Variants in DNAH11 observed in about 807,000 individuals in gnomAD.
DNAH11 encodes the protein axonemal beta dynein heavy chain 11.
A neutral mutation model predicts 526.0 loss-of-function variants in DNAH11; 442 were observed. The ratio of observed to expected loss-of-function variants is 0.84; its 90% CI spans 0.78 to 0.91. DNAH11 has a LOEUF of 0.91. DNAH11 is among the 40% of genes least tolerant of loss of function. The pLI is 0.00. For synonymous variants in DNAH11, 2,461 were observed against 1,935.9 expected (o/e 1.27, Z -7.12); for missense variants, 6,989 against 5,448.7 (o/e 1.28, Z -8.90).
chr7:21,651,239 G>A (rs1043811009), intron 28 of DNAH11, among the ~76,000 whole-genome samples: 3 of 152,162 alleles, frequency 2.0e-5, no homozygotes, highest in African/African-American at 2.4e-5. Context: ...ATTAATAAGC[G>A]GCAGCAGCAT....
intron 65 of DNAH11, among the ~76,000 whole-genome samples, chr7:21,833,071 A>T (rs576312015): frequency 2.3e-4 from 35 of 152,334 alleles, no homozygotes; most frequent in African/African-American, 8.2e-4. Flanking sequence ...CATAGTTCCC[A>T]ATCCCATGAC....
At position 21,894,657 on chromosome 7, in the gene DNAH11, T is replaced by C. The variant is rs751754128; in HGVS notation, c.12785T>C (p.Leu4262Pro). 8.1e-6 allele frequency: 13 copies of C among 1,613,878 alleles called. No individual in the cohort carries two copies. Among genetic ancestry groups the C allele is most frequent in the Non-Finnish European group, 1.0e-5 (12 of 1,179,896 alleles). ...KNVLDDILEK[L>P]PEEFNMAEIM... is the part of the protein sequence containing the mutation. ...GTCTTGGATGACATTTTGGAGAAAC[T>C]TCCAGAAGAGTTCAACATGGCAGAG... is the stretch of plus-strand genomic sequence containing the variant. The change falls in exon 78 of 82, where the codon CTT (leucine) becomes CCT (proline). Residue 4262 changes from leucine to proline, a missense_variant. Leu to Pro is a moderately conservative substitution (Grantham distance 98). Coordinates refer to ENST00000409508, the MANE Select transcript of DNAH11 (RefSeq NM_001277115.2).
intron 65 of DNAH11, among the ~76,000 whole-genome samples, chr7:21,827,948 A>G (rs951658318): frequency 6.6e-6 from 1 of 150,630 alleles, no homozygotes. Flanking sequence ...TTTTTTTTTT[A>G]ATTTTTTTTT....
intron 63 of DNAH11, among the ~76,000 whole-genome samples, chr7:21,810,816 C>T (rs192031423): frequency 6.6e-6 from 1 of 152,104 alleles, no homozygotes; most frequent in African/African-American, 2.4e-5. Context: ...ATGGAAGGAG[C>T]ATTTTAGGCT....
intron 75 of DNAH11, among the ~76,000 whole-genome samples, chr7:21,883,964 G>C (rs1364953603): frequency 6.6e-6 from 1 of 152,170 alleles, no homozygotes; most frequent in African/African-American, 2.4e-5. Context: ...GATTGCTGGA[G>C]CCCCAGAATT....
intron 8 of DNAH11, among the ~76,000 whole-genome samples, chr7:21,580,888 G>C (rs1784283169): frequency 6.6e-6 from 1 of 152,202 alleles, no homozygotes; most frequent in East Asian, 1.9e-4. Context: ...CAGGAGCCAG[G>C]TTGCCTGGCT....
At chr7:21,798,681 T>G (rs1788824946) in intron 61 of DNAH11, among the ~76,000 whole-genome samples, 1 of 149,406 alleles carries the variant, frequency 6.7e-6, no homozygotes, top group Non-Finnish European at 1.5e-5. Flanking sequence ...TTGTCTGCTT[T>G]ATTCACCTTC....
At chr7:21,763,201 G>A (rs1273213098) in intron 54 of DNAH11, among the ~76,000 whole-genome samples, 2 of 151,812 alleles carry the variant, frequency 1.3e-5, no homozygotes, top group African/African-American at 2.4e-5. Flanking sequence ...AATTAGCCTG[G>A]CGTGGTGGCA....
chr7:21,807,785 G>T, intron 62 of DNAH11, 98 bp from the exon 63 acceptor site: 2 of 1,160,560 alleles, frequency 1.7e-6, no homozygotes, highest in Non-Finnish European at 2.4e-6. Flanking sequence ...TGACTGTGTG[G>T]AAGGACGTAA....
At chr7:21,837,055 C>A (rs1051331446) in intron 65 of DNAH11, among the ~76,000 whole-genome samples, 2 of 150,854 alleles carry the variant, frequency 1.3e-5, no homozygotes, top group African/African-American at 4.8e-5. Flanking sequence ...TCATTTCACC[C>A]CAATTAGAAT....
At chr7:21,716,798 C>A (rs751074441) in intron 42 of DNAH11, among the ~76,000 whole-genome samples, 1 of 152,148 alleles carries the variant, frequency 6.6e-6, no homozygotes, top group African/African-American at 2.4e-5. Context: ...TCTCTTGGAC[C>A]TGAAAAAGTT....
chr7:21,808,426 A>G (rs1583719234), intron 63 of DNAH11, among the ~76,000 whole-genome samples: 1 of 152,168 alleles, frequency 6.6e-6, no homozygotes, highest in East Asian at 1.9e-4. Context: ...TTTGAAATAT[A>G]CAATAAATTA....
chr7:21,819,542 C>T (rs942650710), intron 65 of DNAH11, among the ~76,000 whole-genome samples: 1 of 152,170 alleles, frequency 6.6e-6, no homozygotes, highest in African/African-American at 2.4e-5. Flanking sequence ...TTGAATGTCA[C>T]TGAAGTGAAA....
intron 65 of DNAH11, among the ~76,000 whole-genome samples, chr7:21,825,017 G>A (rs760052865): frequency 4.6e-5 from 7 of 152,110 alleles, no homozygotes; most frequent in South Asian, 4.2e-4. Flanking sequence ...AATTACAGGC[G>A]CCTGCCACCA....
At chr7:21,588,387 A>G in intron 10 of DNAH11, 125 bp from the exon 11 acceptor site, 1 of 1,350,944 alleles carries the variant, frequency 7.4e-7, no homozygotes, top group Non-Finnish European at 1.0e-6. Context: ...CTAGTAATCA[A>G]GTGATTAAAC....
intron 30 of DNAH11, among the ~76,000 whole-genome samples, chr7:21,674,836 C>T (rs965549443): frequency 2.0e-5 from 3 of 152,028 alleles, no homozygotes; most frequent in Admixed American, 6.6e-5. Context: ...TCAAACTTGC[C>T]TCCCAACGTG....
chr7:21,600,222 G>T, intron 15 of DNAH11, 103 bp downstream of exon 15: 1 of 1,036,800 alleles, frequency 9.6e-7, no homozygotes, highest in Non-Finnish European at 1.3e-6. Context: ...AACTTTGGGA[G>T]GCTGAGGCAA....
chr7:21,582,087 G>C (rs1784330781), intron 9 of DNAH11, 66 bp downstream of exon 9: 2 of 1,010,972 alleles, frequency 2.0e-6, no homozygotes, highest in Admixed American at 1.8e-5. Flanking sequence ...TAAATGAAAG[G>C]GGTGAATTCT....
At chr7:21,874,493 G>T (rs1308774239) in intron 74 of DNAH11, among the ~76,000 whole-genome samples, 1 of 151,782 alleles carries the variant, frequency 6.6e-6, no homozygotes, top group Non-Finnish European at 1.5e-5. Context: ...CCACCACCAA[G>T]CCCAGCTAAC....
Sources: allele counts gnomAD v4.1 joint callset (sites outside exome capture counted in the v4.1 genomes callset), GRCh38; gene constraint gnomAD v4.1.1; transcripts MANE v1.5; gene names NCBI Gene and HGNC (gene_info 2026-07-23, HGNC 2026-07-21).